The following SERPINF2 variants were observed in gnomAD, a reference collection of about 807,000 sequenced individuals.
SERPINF2 encodes the protein alpha-2-antiplasmin.
Under a neutral mutation model 45.0 loss-of-function variants are expected in SERPINF2, and 15 were observed. The observed-to-expected ratio is 0.33, with a 90% confidence interval of 0.22 to 0.51. SERPINF2 has a LOEUF of 0.51. Among genes scored for constraint, SERPINF2 ranks in the 20% least tolerant of loss-of-function variants. The pLI is 0.97. For missense variants in SERPINF2, 518 were observed against 637.4 expected (o/e 0.81, Z 2.02); for synonymous variants, 283 against 277.9 (o/e 1.02, Z -0.18).
In SERPINF2 at chr17:1,754,861, G is replaced by A. The variant is rs117803213; in HGVS notation, c.*327G>A. On this transcript the variant is annotated 3_prime_UTR_variant, in exon 10 of 10. Transcript: ENST00000453066. Reference sequence around the variant, plus strand: ...CTCCCCACGTCAGCTGGGACACCCCGACTTTTGTTTACCAGAGAAAAAGGG... The same window carrying A: ...CTCCCCACGTCAGCTGGGACACCCCAACTTTTGTTTACCAGAGAAAAAGGG... 9,267 of 424,506 alleles carry A rather than the reference G, an allele frequency of 0.022. 135 individuals carry two copies. The highest frequency in any genetic ancestry group is 0.028 in the Non-Finnish European group (6,785 of 238,642). 26.3% of individuals were successfully genotyped at this position (424,506 alleles called of 1,614,324 possible). A position where few individuals can be genotyped will look rare whatever the true frequency, so the allele number is the denominator to read the frequency against.
In SERPINF2 at chr17:1,754,472, CCT is replaced by C. The variant is rs1159941087; in HGVS notation, c.1415_1416del (p.Pro472ArgfsTer186). ...CCCCCGCGGAGACAAGCTTTTCGGC[CCT>C]GACTTAAAACTTGTGCCCCCCATGG... ...GFPRGDKLFGPDLKLVPPMEE... is the reference protein window; with the variant it reads ...GFPRGDKLFGXDLKLVPPMEE... On this transcript the variant is annotated frameshift_variant, in exon 10 of 10. Transcript: ENST00000453066. LOFTEE classifies it high-confidence loss of function. The C allele has an allele frequency of 6.2e-7, 1 of 1,608,186 alleles. No homozygotes were observed. Among genetic ancestry groups the C allele is most frequent in the Non-Finnish European group, 8.5e-7 (1 of 1,177,248 alleles).
chr17:1,743,097 C>T (rs978084333), intron 1 of SERPINF2, 189 bp downstream of exon 1: 13 of 981,022 alleles, frequency 1.3e-5, no homozygotes, highest in African/African-American at 1.8e-5. Context: ...GGGCCCTGGC[C>T]AAGGGCTCTT....
Position 1,745,429 on chromosome 17 carries a change from G to T in SERPINF2, c.165+34G>T. 6.2e-7 allele frequency: 1 copy of T among 1,607,620 alleles called. No individual in the cohort carries two copies. The highest frequency in any genetic ancestry group is 8.5e-7 in the Non-Finnish European group (1 of 1,177,074). ...AGGTGGGGCTGGGGAAGAGTGGGCG[G>T]GGCTAGAGGGAGGAGGGCCCATCGG... is the stretch of plus-strand genomic sequence containing the variant. On this transcript the variant is annotated intron_variant, in intron 4 of 9. Coordinates refer to ENST00000453066, the MANE Select transcript of SERPINF2 (RefSeq NM_000934.4). The surrounding 1 kb of genome is among the most constrained non-coding windows in gnomAD (Gnocchi z 6.2).
intron 1 of SERPINF2, chr17:1,744,537 G>T: frequency 5.1e-6 from 5 of 984,574 alleles, no homozygotes; most frequent in Non-Finnish European, 6.0e-6. Flanking sequence ...GTCTTATTTT[G>T]GTCCTCACCA....
chr17:1,754,442 G>C lies in SERPINF2; in HGVS notation c.1384G>C (p.Gly462Arg), dbSNP rs367964307. 2.5e-6 allele frequency: 4 copies of C among 1,610,582 alleles called. No homozygotes were observed. The highest frequency in any genetic ancestry group is 3.4e-6 in the Non-Finnish European group (4 of 1,177,600). Reference sequence around the variant, plus strand: ...CAAGGACTTCCTCCAGAGCCTGAAAGGCTTCCCCCGCGGAGACAAGCTTTT... The same window carrying C: ...CAAGGACTTCCTCCAGAGCCTGAAACGCTTCCCCCGCGGAGACAAGCTTTT... ...GNKDFLQSLK[G>R]FPRGDKLFGP... Residue 462 changes from glycine to arginine, a missense_variant, in exon 10 of 10, where the codon GGC becomes CGC. Transcript: ENST00000453066.
chr17:1,751,559 C>G (rs1205924831), intron 8 of SERPINF2, among the ~76,000 whole-genome samples: 1 of 136,744 alleles, frequency 7.3e-6, no homozygotes. Context: ...TTGAGACCAT[C>G]CTGGCTAACA....
intron 8 of SERPINF2, among the ~76,000 whole-genome samples, chr17:1,750,289 C>T (rs559307185): frequency 1.1e-4 from 16 of 152,248 alleles, no homozygotes; most frequent in African/African-American, 3.9e-4. Context: ...GCTTGGACTA[C>T]AGGCGCCCGC....
chr17:1,753,984 G>A (rs1906614477), intron 9 of SERPINF2, 138 bp from the exon 10 acceptor site: 1 of 995,754 alleles, frequency 1.0e-6, no homozygotes, highest in Non-Finnish European at 1.5e-6. Context: ...GCTGAGTCTT[G>A]GAAACCGGAT....
At chr17:1,743,633 T>G (rs1286987320) in intron 1 of SERPINF2, among the ~76,000 whole-genome samples, 4 of 150,360 alleles carry the variant, frequency 2.7e-5, no homozygotes, top group Non-Finnish European at 5.9e-5. Flanking sequence ...GAGAATCGCT[T>G]TAACCCAGGA....
intron 9 of SERPINF2, among the ~76,000 whole-genome samples, chr17:1,753,782 C>T (rs1906592421): frequency 6.6e-6 from 1 of 152,174 alleles, no homozygotes; most frequent in Non-Finnish European, 1.5e-5. Flanking sequence ...TACCAGGTAC[C>T]GGGAGCCCAC....
At chr17:1,747,253 C>A in intron 6 of SERPINF2, 56 bp from the exon 7 acceptor site, 3 of 1,610,290 alleles carry the variant, frequency 1.9e-6, no homozygotes, top group Non-Finnish European at 1.7e-6. Context: ...CGAGTAGGGG[C>A]GTGTCTGGCT....
In SERPINF2 at chr17:1,754,377, C is replaced by G; in HGVS notation, c.1319C>G (p.Ala440Gly). Residue 440 changes from alanine to glycine, a missense_variant, in exon 10 of 10, where the codon GCA (alanine) becomes GGA (glycine). Ala to Gly is a moderately conservative substitution (Grantham distance 60, BLOSUM62 0). Transcript: ENST00000453066. Reference protein sequence around the residue: ...VGSVRNPNPSAPRELKEQQDS... With the variant: ...VGSVRNPNPSGPRELKEQQDS... ...AGCGTGAGGAACCCCAACCCCAGTG[C>G]ACCGCGGGAGCTCAAGGAACAGCAG... The G allele has an allele frequency of 2.5e-6, 4 of 1,614,142 alleles. No homozygotes were observed. The highest frequency in any genetic ancestry group is 3.4e-6 in the Non-Finnish European group (4 of 1,180,032).
intron 7 of SERPINF2, 23 bp from the exon 8 acceptor site, chr17:1,748,575 C>G: frequency 6.2e-7 from 1 of 1,611,816 alleles, no homozygotes; most frequent in Non-Finnish European, 8.5e-7. Flanking sequence ...TCGACGTGAC[C>G]CCTGCCCTCT....
chr17:1,748,584 CT>C lies in SERPINF2; in HGVS notation c.716-13del, dbSNP rs776459358. Reference sequence around the variant, plus strand: ...TCCCCGTCGACGTGACCCCTGCCCTCTGCTGGGTTTCAGGTTTCTGGAGGAA... The same window carrying C: ...TCCCCGTCGACGTGACCCCTGCCCTCGCTGGGTTTCAGGTTTCTGGAGGAA... On this transcript the variant is annotated splice_polypyrimidine_tract_variant and intron_variant, in intron 7 of 9. Coordinates refer to ENST00000453066, the MANE Select transcript of SERPINF2 (RefSeq NM_000934.4). 6.2e-7 allele frequency: 1 copy of C among 1,612,636 alleles called. No individual in the cohort carries two copies. Among genetic ancestry groups the C allele is most frequent in the Admixed American group, 1.7e-5 (1 of 60,004 alleles).
Position 1,754,551 on chromosome 17 carries a change from C to T in SERPINF2, c.*17C>T. Reference sequence around the variant, plus strand: ...CCCAAGTGAGGGGCCGTGGCTGTGGCATCCAGAGTCCCTGCCTGGACCAGC... The same window carrying T: ...CCCAAGTGAGGGGCCGTGGCTGTGGTATCCAGAGTCCCTGCCTGGACCAGC... On this transcript the variant is annotated 3_prime_UTR_variant, in exon 10 of 10. Coordinates refer to ENST00000453066, the MANE Select transcript of SERPINF2 (RefSeq NM_000934.4). The T allele has an allele frequency of 6.2e-7, 1 of 1,602,708 alleles. No homozygotes were observed. The highest frequency in any genetic ancestry group is 1.1e-5 in the South Asian group (1 of 90,716).
Position 1,754,677 on chromosome 17 carries a change from GTTTAGGGT to G in SERPINF2, c.*144_*151del. On this transcript the variant is annotated 3_prime_UTR_variant, in exon 10 of 10. Coordinates refer to ENST00000453066, the MANE Select transcript of SERPINF2 (RefSeq NM_000934.4). ...ATTCTTTCCCAACACCTCTTGGGGA[GTTTAGGGT>G]GGGGGGGGGGCGCGGCTGGGAGGAG... is the stretch of plus-strand genomic sequence containing the variant. 1 of 233,486 alleles carries G rather than the reference GTTTAGGGT, an allele frequency of 4.3e-6. No homozygotes were observed. Among genetic ancestry groups the G allele is most frequent in the East Asian group, 1.2e-4 (1 of 8,596 alleles). The allele number at this position is 233,486 out of a possible 1,614,324, so 14.5% of individuals were successfully genotyped here. A position where few individuals can be genotyped will look rare whatever the true frequency, so the allele number is the denominator to read the frequency against.
intron 8 of SERPINF2, among the ~76,000 whole-genome samples, chr17:1,752,178 A>T (rs1031419777): frequency 1.3e-5 from 2 of 151,642 alleles, no homozygotes; most frequent in African/African-American, 2.4e-5. Context: ...CAGCCTCCCG[A>T]GTTGCTGCGA....
chr17:1,750,977 C>A (rs1386118552), intron 8 of SERPINF2, among the ~76,000 whole-genome samples: 1 of 152,196 alleles, frequency 6.6e-6, no homozygotes, highest in African/African-American at 2.4e-5. Context: ...CCCCGTCAGC[C>A]TTTCTTGTCC....
intron 1 of SERPINF2, chr17:1,744,678 C>G (rs557839924): frequency 3.7e-5 from 36 of 985,416 alleles, no homozygotes; most frequent in Non-Finnish European, 4.2e-5. Flanking sequence ...TGATTCACAG[C>G]GCAGGGCCTT....
Sources: gnomAD v4.1 joint callset for allele counts (sites outside exome capture counted in the v4.1 genomes callset) on GRCh38, gnomAD v4.1.1 for gene constraint, Gnocchi (gnomAD v3.1) non-coding constraint, MANE v1.5 for transcripts, NCBI Gene and HGNC (gene_info 2026-07-23, HGNC 2026-07-21) for gene names.